Variants in BTBD16 observed in about 807,000 individuals in gnomAD.
The protein encoded by BTBD16 is BTB/POZ domain-containing protein 16.
In BTBD16, 66 loss-of-function variants were observed where a neutral mutation model predicts 67.4. The observed-to-expected ratio is 0.98, with a 90% confidence interval of 0.80 to 1.20. BTBD16 has a LOEUF of 1.20. Among genes scored for constraint, BTBD16 ranks in the 50% most tolerant of loss-of-function variants. The probability of loss-of-function intolerance (pLI) is 0.00; values close to 1 mark genes in which losing one functional copy is unlikely to be tolerated. For missense variants in BTBD16, 634 were observed against 616.0 expected, an observed-to-expected ratio of 1.03 and a Z score of -0.31; for synonymous variants, 242 against 236.4, an observed-to-expected ratio of 1.02 and a Z score of -0.22.
intron 3 of BTBD16, among the ~76,000 whole-genome samples, chr10:122,277,175 T>A (rs2096342631): frequency 7.0e-6 from 1 of 143,154 alleles, no homozygotes; most frequent in South Asian, 2.3e-4. Flanking sequence ...TTTTTTTTTT[T>A]ACAATTTTTC....
chr10:122,333,093 A>T (rs1158436214), intron 13 of BTBD16: 1 of 363,672 alleles, frequency 2.7e-6, no homozygotes, highest in Non-Finnish European at 3.8e-6. Flanking sequence ...GAAATCAGTG[A>T]TCTCCTTTGA....
intron 10 of BTBD16, among the ~76,000 whole-genome samples, chr10:122,312,604 G>A (rs2096416051): frequency 6.6e-6 from 1 of 152,054 alleles, no homozygotes. Context: ...GTGAGCCACC[G>A]CTTCTGGCCA....
At chr10:122,332,321 C>T in intron 12 of BTBD16, 115 bp from the exon 13 acceptor site, 1 of 890,724 alleles carries the variant, frequency 1.1e-6, no homozygotes, top group Non-Finnish European at 1.7e-6. Context: ...AGAGGCAAAA[C>T]TCTTTTTCAA....
chr10:122,310,513 G>T (rs181110614), intron 10 of BTBD16, among the ~76,000 whole-genome samples: 1 of 152,132 alleles, frequency 6.6e-6, no homozygotes, highest in African/African-American at 2.4e-5. Flanking sequence ...CCAGCATTGC[G>T]TCACCAGGGG....
intron 10 of BTBD16, among the ~76,000 whole-genome samples, chr10:122,311,776 A>C (rs912195153): frequency 2.6e-5 from 4 of 152,226 alleles, no homozygotes; most frequent in African/African-American, 9.6e-5. Flanking sequence ...GCCAGTCTCT[A>C]AAGCCCCTTA....
At chr10:122,291,794 T>C (rs2096374576) in intron 7 of BTBD16, 1 of 152,220 alleles carries the variant, frequency 6.6e-6, no homozygotes, top group Non-Finnish European at 1.5e-5. Context: ...CCCCTGCCCA[T>C]TTTAGGCATA....
At chr10:122,322,526 C>G (rs2096437404) in intron 10 of BTBD16, among the ~76,000 whole-genome samples, 1 of 151,754 alleles carries the variant, frequency 6.6e-6, no homozygotes, top group Non-Finnish European at 1.5e-5. Context: ...GAAAGAGTGT[C>G]CATAAGAACA....
Position 122,336,656 on chromosome 10 carries a change from T to C in BTBD16, c.1426T>C (p.Leu476=). ...RTNQIKQKFG[L]TTSSCKSHTL... is the part of the protein sequence containing the mutation. ...AAACCAGATCAAGCAGAAGTTTGGGTTGACCACGTCATCCTGCAAAAGCCA... is the reference window on the plus strand; with the variant it reads ...AAACCAGATCAAGCAGAAGTTTGGGCTGACCACGTCATCCTGCAAAAGCCA... The change falls in exon 15 of 16, where the codon TTG becomes CTG. Residue 476 remains leucine, a synonymous_variant. Transcript: ENST00000260723. The C allele has an allele frequency of 1.9e-6, 3 of 1,592,964 alleles. No homozygotes were observed. Among genetic ancestry groups the C allele is most frequent in the Middle Eastern group, 3.3e-4 (2 of 5,984 alleles).
At chr10:122,323,179 C>T (rs181356388) in intron 10 of BTBD16, among the ~76,000 whole-genome samples, 21 of 152,298 alleles carry the variant, frequency 1.4e-4, no homozygotes, top group Non-Finnish European at 4.4e-5. Context: ...AATATAGTGA[C>T]TTTCTGGCCA....
chr10:122,329,600 A>G, intron 11 of BTBD16, 29 bp downstream of exon 11: 1 of 1,601,432 alleles, frequency 6.2e-7, no homozygotes, highest in Non-Finnish European at 8.5e-7. Context: ...GAGCGCATCC[A>G]CGGGAAAGCT....
At chr10:122,336,355 G>T in intron 14 of BTBD16, 139 bp from the exon 15 acceptor site, 1 of 684,056 alleles carries the variant, frequency 1.5e-6, no homozygotes, top group South Asian at 2.5e-5. Flanking sequence ...CAACTTTTAG[G>T]AGATGGTGCC....
chr10:122,331,367 A>C, intron 12 of BTBD16, 109 bp downstream of exon 12: 2 of 1,440,228 alleles, frequency 1.4e-6, no homozygotes, highest in Non-Finnish European at 9.2e-7. Context: ...CTCTGAGGTC[A>C]GGACATATCT....
At chr10:122,274,847 C>CG (rs1554885864) in intron 1 of BTBD16, among the ~76,000 whole-genome samples, 193 bp from the exon 2 acceptor site, 1 of 151,368 alleles carries the variant, frequency 6.6e-6, no homozygotes, top group Non-Finnish European at 1.5e-5. Flanking sequence ...CACCTGCTTA[C>CG]AAAAAAAACA....
chr10:122,284,715 T>A (rs2096360189), intron 4 of BTBD16, among the ~76,000 whole-genome samples: 1 of 146,590 alleles, frequency 6.8e-6, no homozygotes, highest in African/African-American at 2.5e-5. Flanking sequence ...GCCTACTGCA[T>A]GGTGTGACTG....
intron 6 of BTBD16, 80 bp downstream of exon 6, chr10:122,290,078 C>A: frequency 1.1e-6 from 1 of 952,068 alleles, no homozygotes; most frequent in South Asian, 1.5e-5. Context: ...CAAGCAACAA[C>A]AAAGCAAAAC....
In BTBD16 at chr10:122,286,176, G is replaced by C; in HGVS notation, c.313G>C (p.Ala105Pro). The change falls in exon 5 of 16, where the codon GCC becomes CCC. Residue 105 changes from alanine (A) to proline (P), a missense_variant. Transcript: ENST00000260723. ...QPQLFQSETLAKLYLKALAQG... is the reference protein window; with the variant it reads ...QPQLFQSETLPKLYLKALAQG... ...CCAGCTTTTTCAGTCTGAGACCTTGGCCAAGCTCTACCTGAAAGCCCTGGC... is the reference window on the plus strand; with the variant it reads ...CCAGCTTTTTCAGTCTGAGACCTTGCCCAAGCTCTACCTGAAAGCCCTGGC... 1 of 1,613,956 alleles carries C rather than the reference G, an allele frequency of 6.2e-7. No homozygotes were observed. Among genetic ancestry groups the C allele is most frequent in the Non-Finnish European group, 8.5e-7 (1 of 1,179,882 alleles).
At chr10:122,326,537 C>T (rs1329351810) in intron 10 of BTBD16, among the ~76,000 whole-genome samples, 2 of 152,214 alleles carry the variant, frequency 1.3e-5, no homozygotes, top group Admixed American at 6.5e-5. Context: ...GAGCTGTGGG[C>T]CTGATACTCG....
At chr10:122,290,931 T>C in intron 6 of BTBD16, 149 bp from the exon 7 acceptor site, 2 of 1,194,280 alleles carry the variant, frequency 1.7e-6, no homozygotes, top group Non-Finnish European at 2.2e-6. Context: ...ATCGTCAGCT[T>C]CTGGGCGGTG....
rs146416161 is a variant in BTBD16 at position 122,301,229 on chromosome 10, G to A, written c.791+2095G>A. On this transcript the variant is annotated intron_variant, in intron 9 of 15. Coordinates refer to ENST00000260723, the MANE Select transcript of BTBD16 (RefSeq NM_144587.5). ...ATTGTCCCTCCCTTGGAAAGGCTGAGCTGTCACACCCTGGCAGCATTAACC... is the reference window on the plus strand; with the variant it reads ...ATTGTCCCTCCCTTGGAAAGGCTGAACTGTCACACCCTGGCAGCATTAACC... 4.3e-3 allele frequency among the ~76,000 whole-genome samples: 659 copies of A among 152,318 alleles called. 2 individuals are homozygous for A. Among genetic ancestry groups the A allele is most frequent in the Middle Eastern group, 0.01 (3 of 294 alleles).
Sources: allele counts gnomAD v4.1 joint callset (sites outside exome capture counted in the v4.1 genomes callset), GRCh38; gene constraint gnomAD v4.1.1; transcripts MANE v1.5; gene names NCBI Gene and HGNC (gene_info 2026-07-23, HGNC 2026-07-21).